The following TAC4 variants were observed in gnomAD, a reference collection of about 807,000 sequenced individuals.
TAC4 encodes the protein tachykinin precursor 4.
A neutral mutation model predicts 17.7 loss-of-function variants in TAC4; 17 were observed. That is an observed-to-expected ratio of 0.96 (90% CI 0.66 to 1.44). The LOEUF is 1.44. TAC4 is among the 40% of genes most tolerant of loss of function. The probability of loss-of-function intolerance (pLI) is 0.00; values close to 1 mark genes in which losing one functional copy is unlikely to be tolerated. For missense variants in TAC4, 118 were observed against 125.6 expected (o/e 0.94, Z 0.29); for synonymous variants, 62 against 52.4 (o/e 1.18, Z -0.79).
At position 49,838,668 on chromosome 17, in the gene TAC4, C is replaced by G. The variant is rs749887131; in HGVS notation, c.298G>C (p.Glu100Gln). 3 of 1,613,420 alleles carry G rather than the reference C, an allele frequency of 1.9e-6. No individual in the cohort carries two copies. The highest frequency in any genetic ancestry group is 1.3e-5 in the African/African-American group (1 of 74,974). Residue 100 changes from glutamate (E) to glutamine (Q), a missense_variant, in exon 5 of 5, where the codon GAG becomes CAG. Physicochemically the swap from Glu to Gln is conservative, Grantham distance 29. Coordinates refer to ENST00000436235, the MANE Select transcript of TAC4 (RefSeq NM_001077506.2). Reference sequence around the variant, plus strand: ...TACTCTGAACCTTGGGCCTCATCCTCTCTGCCTGGGGAGAGTTTGGTATAT... The same window carrying G: ...TACTCTGAACCTTGGGCCTCATCCTGTCTGCCTGGGGAGAGTTTGGTATAT... ...GKRSLFTEGREDEAQGSE is the reference protein window; with the variant it reads ...GKRSLFTEGRQDEAQGSE
intron 4 of TAC4, 148 bp downstream of exon 4, chr17:49,839,702 A>C (rs1473171658): frequency 3.0e-6 from 2 of 674,796 alleles, no homozygotes; most frequent in African/African-American, 3.7e-5. Flanking sequence ...ACCTCCTTGC[A>C]CTCGACTGCC....
At chr17:49,846,577 G>A (rs556765767) in intron 1 of TAC4, among the ~76,000 whole-genome samples, 6 of 152,212 alleles carry the variant, frequency 3.9e-5, no homozygotes, top group South Asian at 2.1e-4. Context: ...ACAGCCGGCC[G>A]TCACTTATGT....
At chr17:49,846,112 T>C (rs2074536390) in intron 1 of TAC4, 4 of 872,456 alleles carry the variant, frequency 4.6e-6, no homozygotes, top group Non-Finnish European at 6.3e-6. Flanking sequence ...GGGGGGGCAT[T>C]CGGAGACATT....
chr17:49,839,113 T>A (rs553603362), intron 4 of TAC4, among the ~76,000 whole-genome samples: 3 of 152,184 alleles, frequency 2.0e-5, no homozygotes, highest in Non-Finnish European at 4.4e-5. Flanking sequence ...GTTATTGAGG[T>A]GACTTCCATG....
intron 1 of TAC4, chr17:49,847,007 A>T (rs2074546147): frequency 7.8e-7 from 1 of 1,289,986 alleles, no homozygotes; most frequent in African/African-American, 1.5e-5. Flanking sequence ...TCCTCACTGC[A>T]CACACTTCCA....
intron 1 of TAC4, chr17:49,847,129 C>A (rs1421241444): frequency 1.6e-6 from 2 of 1,289,910 alleles, no homozygotes; most frequent in Admixed American, 4.6e-5. Flanking sequence ...CCCAGGACCG[C>A]AAGCCAAGGC....
rs1267245500 is a variant in TAC4 at position 49,843,457 on chromosome 17, G to T, written c.199+607C>A. 2.0e-5 allele frequency among the ~76,000 whole-genome samples: 3 copies of T among 152,242 alleles called. No individual in the cohort carries two copies. The East Asian group carries it at 5.8e-4, about 29-fold the overall frequency. ...CTGCCACTCCCCAGAGTCATCCAGA[G>T]CATGGAAGGCACCACTCAGGGTGCA... On this transcript the variant is annotated intron_variant, in intron 2 of 4. Coordinates refer to ENST00000436235, the MANE Select transcript of TAC4 (RefSeq NM_001077506.2).
chr17:49,843,996 C>T (rs2074517097), intron 2 of TAC4, 68 bp downstream of exon 2: 6 of 1,465,100 alleles, frequency 4.1e-6, no homozygotes, highest in South Asian at 2.3e-5. Flanking sequence ...GACTTAGGGC[C>T]TCTGCTTTAT....
At chr17:49,845,315 T>C (rs2074529781) in intron 1 of TAC4, among the ~76,000 whole-genome samples, 1 of 152,246 alleles carries the variant, frequency 6.6e-6, no homozygotes, top group Admixed American at 6.5e-5. Context: ...GACATTCTCA[T>C]TCTTCCATTA....
At chr17:49,847,645 T>C (rs1369610333) in intron 1 of TAC4, 11 of 458,450 alleles carry the variant, frequency 2.4e-5, no homozygotes, top group Non-Finnish European at 4.0e-5. Context: ...GCCAGAGATA[T>C]ACCGTGTGTT....
intron 1 of TAC4, chr17:49,847,156 C>A: frequency 1.6e-6 from 2 of 1,290,016 alleles, no homozygotes; most frequent in Non-Finnish European, 2.0e-6. Flanking sequence ...AGTGTCCTTA[C>A]CATCCTGGGA....
chr17:49,847,212 G>A, intron 1 of TAC4: 4 of 1,290,196 alleles, frequency 3.1e-6, no homozygotes, highest in Non-Finnish European at 4.0e-6. Flanking sequence ...CCCCCTGGAA[G>A]CCTTCCCTGA....
In TAC4 at chr17:49,847,951, C is replaced by A. The variant is rs771797278; in HGVS notation, c.67G>T (p.Gly23Ter). The change falls in exon 1 of 5, where the codon GGA (glycine) becomes TGA (stop). Residue 23 changes from glycine to a stop codon, truncating the protein, a stop_gained. Transcript: ENST00000436235. LOFTEE classifies it high-confidence loss of function. ...TCAGTGCTGAGTGTCTGTTCCTCTC[C>A]ACCATCACCTGCCACAGTGCACACG... ...LSVCTVAGDG[G>*]EEQTLSTEAE... 1 of 1,614,196 alleles carries A rather than the reference C, an allele frequency of 6.2e-7. No homozygotes were observed. The highest frequency in any genetic ancestry group is 1.1e-5 in the South Asian group (1 of 91,084).
chr17:49,846,195 A>T, intron 1 of TAC4: 3 of 1,288,726 alleles, frequency 2.3e-6, no homozygotes, highest in Non-Finnish European at 3.0e-6. Flanking sequence ...CCAAATCCCC[A>T]ACTCCAGGGA....
chr17:49,846,881 T>C, intron 1 of TAC4: 1 of 1,134,134 alleles, frequency 8.8e-7, no homozygotes, highest in Non-Finnish European at 1.1e-6. Flanking sequence ...TAAAAGCATA[T>C]CAAAGCTGGA....
At chr17:49,844,902 A>G (rs1377523945) in intron 1 of TAC4, among the ~76,000 whole-genome samples, 1 of 152,180 alleles carries the variant, frequency 6.6e-6, no homozygotes, top group Non-Finnish European at 1.5e-5. Flanking sequence ...AGAAACTATG[A>G]TTTCCCCCGG....
At chr17:49,846,058 C>CT (rs2074535880) in intron 1 of TAC4, 1 of 401,210 alleles carries the variant, frequency 2.5e-6, no homozygotes, top group Middle Eastern at 3.9e-4. Context: ...CTTATGAATT[C>CT]AATAGGACTG....
intron 1 of TAC4, among the ~76,000 whole-genome samples, chr17:49,845,086 C>T (rs897787510): frequency 2.6e-5 from 4 of 152,142 alleles, no homozygotes; most frequent in Non-Finnish European, 5.9e-5. Flanking sequence ...AGTGAACTCA[C>T]GGTGGGTCCC....
At chr17:49,843,075 C>T (rs1224020023) in intron 2 of TAC4, among the ~76,000 whole-genome samples, 1 of 152,206 alleles carries the variant, frequency 6.6e-6, no homozygotes, top group Non-Finnish European at 1.5e-5. Context: ...CCTCAGGGCT[C>T]ATGTAGTAAC....
Sources: gnomAD v4.1 joint callset for allele counts (sites outside exome capture counted in the v4.1 genomes callset) on GRCh38, gnomAD v4.1.1 for gene constraint, MANE v1.5 for transcripts, NCBI Gene and HGNC (gene_info 2026-07-23, HGNC 2026-07-21) for gene names.